Variants in NOM1 observed in about 807,000 individuals in gnomAD.
The protein encoded by NOM1 is nucleolar protein with MIF4G domain 1.
Under a neutral mutation model 73.3 loss-of-function variants are expected in NOM1, and 58 were observed. The ratio of observed to expected loss-of-function variants is 0.79; its 90% CI spans 0.64 to 0.99. The LOEUF (loss-of-function observed/expected upper bound fraction) is 0.99. NOM1 is among the 50% of genes least tolerant of loss of function. NOM1 has a pLI of 0.00. For missense variants in NOM1, 1,226 were observed against 1,131.9 expected (o/e 1.08, Z -1.19); for synonymous variants, 487 against 446.8 (o/e 1.09, Z -1.14).
chr7:156,956,997 G>C (rs1456018341), intron 3 of NOM1, among the ~76,000 whole-genome samples: 1 of 151,076 alleles, frequency 6.6e-6, no homozygotes, highest in Admixed American at 6.6e-5. Flanking sequence ...GCCACAGACC[G>C]TGACCACCCA....
At chr7:156,958,244 A>C (rs1398591598) in intron 3 of NOM1, among the ~76,000 whole-genome samples, 1 of 152,172 alleles carries the variant, frequency 6.6e-6, no homozygotes, top group Admixed American at 6.6e-5. Flanking sequence ...ATAACCCCTG[A>C]GCTGGTCTTG....
At chr7:156,951,128 A>G (rs1804582032) in intron 1 of NOM1, among the ~76,000 whole-genome samples, 1 of 152,174 alleles carries the variant, frequency 6.6e-6, no homozygotes, top group Admixed American at 6.5e-5. Context: ...GCACTCCCTT[A>G]GATAAAGTCC....
chr7:156,963,018 C>T lies in NOM1; in HGVS notation c.1754C>T (p.Ala585Val), dbSNP rs535072199. 1 of 1,612,124 alleles carries T rather than the reference C, an allele frequency of 6.2e-7. No individual in the cohort carries two copies. Among genetic ancestry groups the T allele is most frequent in the Non-Finnish European group, 8.5e-7 (1 of 1,178,274 alleles). Residue 585 changes from alanine to valine, a missense_variant, in exon 6 of 11, where the codon GCC becomes GTC. Ala to Val is a moderately conservative substitution (Grantham distance 64). Transcript: ENST00000275820. ...TTCTCTCTTCATCAGGTCCGCAACG[C>T]CGGCTCAGGTTCTGAGACGCAGCTT... is the stretch of plus-strand genomic sequence containing the variant. Reference protein sequence around the residue: ...RKLQRALVRNAGSGSETQLRV... With the variant: ...RKLQRALVRNVGSGSETQLRV...
rs1301405946 is a variant in NOM1 at position 156,950,014 on chromosome 7, C to G, written c.277C>G (p.Arg93Gly). The G allele has an allele frequency of 6.5e-7, 1 of 1,541,248 alleles. No individual in the cohort carries two copies. The highest frequency in any genetic ancestry group is 1.2e-5 in the South Asian group (1 of 84,104). The stretch of plus-strand genomic sequence containing the variant: ...ACTGAGGAAGGAGAAGCGGCACCTG[C>G]GGAAAGCACGCCGGCTGCAGAGGAC... Reference protein sequence around the residue: ...KELRKEKRHLRKARRLQRTAG... With the variant: ...KELRKEKRHLGKARRLQRTAG... The change falls in exon 1 of 11, where the codon CGG (arginine) becomes GGG (glycine). Residue 93 changes from arginine to glycine, a missense_variant. Physicochemically the swap from Arg to Gly is moderately radical, Grantham distance 125. Coordinates refer to ENST00000275820, the MANE Select transcript of NOM1 (RefSeq NM_138400.2).
intron 3 of NOM1, chr7:156,958,671 T>A (rs2365992): frequency 0.52 from 79,691 of 152,188 alleles, 21,149 homozygotes; most frequent in Middle Eastern, 0.66. Context: ...CTTCTCATCC[T>A]TCAGTCCACA....
At chr7:156,961,362 C>A (rs1038206285) in intron 4 of NOM1, among the ~76,000 whole-genome samples, 2 of 152,006 alleles carry the variant, frequency 1.3e-5, no homozygotes, top group Non-Finnish European at 2.9e-5. Flanking sequence ...TTATCCTGGT[C>A]CCCGGAGAAG....
At chr7:156,965,932 G>T (rs543258682) in intron 7 of NOM1, among the ~76,000 whole-genome samples, 1 of 152,006 alleles carries the variant, frequency 6.6e-6, no homozygotes, top group Non-Finnish European at 1.5e-5. Flanking sequence ...GTAAGAAAAT[G>T]TGAAGTCATC....
Position 156,950,718 on chromosome 7 carries a change from G to A in NOM1, c.981G>A (p.Thr327=), listed in dbSNP as rs1167916931. 2 of 1,551,142 alleles carry A rather than the reference G, an allele frequency of 1.3e-6. No individual in the cohort carries two copies. Among genetic ancestry groups the A allele is most frequent in the Admixed American group, 2.0e-5 (1 of 50,964 alleles). ...ATTCCTCGGAGGACGGTGACATAAC[G>A]GATAAGGTATCGTGTGAACACTCTC... ...SENSSEDGDI[T]DKSLCGSGEK... is the part of the protein sequence containing the mutation. Residue 327 remains threonine (T), a synonymous_variant, in exon 1 of 11, where the codon ACG becomes ACA. Coordinates refer to ENST00000275820, the MANE Select transcript of NOM1 (RefSeq NM_138400.2).
chr7:156,952,317 T>A (rs558643841), intron 1 of NOM1, among the ~76,000 whole-genome samples, 157 bp from the exon 2 acceptor site: 2 of 152,208 alleles, frequency 1.3e-5, no homozygotes, highest in African/African-American at 4.8e-5. Context: ...ACCCATATAC[T>A]AAGCACTCAA....
intron 9 of NOM1, 126 bp downstream of exon 9, chr7:156,967,218 G>T: frequency 8.6e-7 from 1 of 1,161,918 alleles, no homozygotes; most frequent in African/African-American, 1.6e-5. Flanking sequence ...AAAAGTGCTT[G>T]CATTATCCTA....
Position 156,959,933 on chromosome 7 carries a change from A to C in NOM1, c.1391A>C (p.Asn464Thr), listed in dbSNP as rs1299757396. The C allele has an allele frequency of 1.9e-6, 3 of 1,613,308 alleles. No homozygotes were observed. Among genetic ancestry groups the C allele is most frequent in the Non-Finnish European group, 2.5e-6 (3 of 1,179,782 alleles). The change falls in exon 4 of 11, where the codon AAC (asparagine) becomes ACC (threonine). Residue 464 changes from asparagine (N) to threonine (T), a missense_variant. Physicochemically the swap from Asn to Thr is moderately conservative, Grantham distance 65 (BLOSUM62 0). Coordinates refer to ENST00000275820, the MANE Select transcript of NOM1 (RefSeq NM_138400.2). ...KYGSEGKECDNLFTVIAHLYN... is the reference protein window; with the variant it reads ...KYGSEGKECDTLFTVIAHLYN... ...GGAAGCGAAGGGAAAGAGTGTGACA[A>C]CCTGTTCACCGTCATTGCCCATTTA...
chr7:156,965,744 C>T (rs1430265377), intron 7 of NOM1, among the ~76,000 whole-genome samples: 2 of 151,974 alleles, frequency 1.3e-5, no homozygotes, highest in Non-Finnish European at 2.9e-5. Context: ...GGCAAAACCC[C>T]ATCTCTACTA....
At chr7:156,954,071 T>G (rs1341555265) in intron 2 of NOM1, 32 bp from the exon 3 acceptor site, 2 of 1,567,520 alleles carry the variant, frequency 1.3e-6, no homozygotes, top group African/African-American at 2.7e-5. Context: ...ATTGGAAACA[T>G]TGTTGCTCTC....
intron 1 of NOM1, among the ~76,000 whole-genome samples, chr7:156,951,747 G>T (rs1051487910): frequency 1.2e-4 from 18 of 151,472 alleles, no homozygotes; most frequent in Non-Finnish European, 2.5e-4. Flanking sequence ...TTGCACTGTC[G>T]TCTAGGCTGG....
At chr7:156,951,129 G>C (rs370115809) in intron 1 of NOM1, among the ~76,000 whole-genome samples, 59 of 152,272 alleles carry the variant, frequency 3.9e-4, no homozygotes, top group African/African-American at 1.3e-3. Context: ...CACTCCCTTA[G>C]ATAAAGTCCA....
chr7:156,963,626 C>G (rs764036636), intron 6 of NOM1: 3 of 382,542 alleles, frequency 7.8e-6, no homozygotes, highest in Non-Finnish European at 1.4e-5. Flanking sequence ...TTCCCAGGCT[C>G]TGCCAGTGAC....
At position 156,963,971 on chromosome 7, in the gene NOM1, T is replaced by C. The variant is rs200882197; in HGVS notation, c.1978T>C (p.Phe660Leu). The change falls in exon 7 of 11, where the codon TTC becomes CTC. Residue 660 changes from phenylalanine to leucine, a missense_variant. Phe to Leu is a conservative substitution (Grantham distance 22). Transcript: ENST00000275820. ...GAACACAGACATCCGGAGAAACATA[T>C]TCTGCACAATAATGACAAGTGAAGA... ...RMNTDIRRNI[F>L]CTIMTSEDFL... 1.7e-5 allele frequency: 28 copies of C among 1,614,092 alleles called. No homozygotes were observed. The East Asian group carries it at 4.2e-4, about 24-fold the overall frequency.
chr7:156,952,814 G>T (rs1454601597), intron 2 of NOM1, among the ~76,000 whole-genome samples: 2 of 152,074 alleles, frequency 1.3e-5, no homozygotes, highest in Non-Finnish European at 2.9e-5. Context: ...GGGTTTGAGA[G>T]CAGCCCAAAT....
Position 156,966,345 on chromosome 7 carries a change from C to T in NOM1, c.2109C>T (p.Tyr703=), listed in dbSNP as rs142857972. 1.9e-6 allele frequency: 3 copies of T among 1,614,102 alleles called. No homozygotes were observed. In the African/African-American group the frequency reaches 4.0e-5, roughly 22 times the overall value. The change falls in exon 8 of 11, where the codon TAC becomes TAT. Residue 703 remains tyrosine (Y), a synonymous_variant. Transcript: ENST00000275820. The part of the protein sequence containing the change: ...LMDCCLQEKT[Y]NPFYAFLASK... Reference sequence around the variant, plus strand: ...ATTGCTGCCTTCAAGAGAAAACTTACAATCCCTTCTATGCTTTCCTGGCTA... The same window carrying T: ...ATTGCTGCCTTCAAGAGAAAACTTATAATCCCTTCTATGCTTTCCTGGCTA...
Sources: gnomAD v4.1 joint callset for allele counts (sites outside exome capture counted in the v4.1 genomes callset) on GRCh38, gnomAD v4.1.1 for gene constraint, MANE v1.5 for transcripts, NCBI Gene and HGNC (gene_info 2026-07-23, HGNC 2026-07-21) for gene names.